FBL: variants seen among roughly 807,000 people sequenced by gnomAD.
The protein encoded by FBL is rRNA 2'-O-methyltransferase fibrillarin.
In FBL, 10 loss-of-function variants were observed where a neutral mutation model predicts 42.2. The observed-to-expected ratio is 0.24, with a 90% CI of 0.15 to 0.40. The LOEUF is 0.40. Ranked by LOEUF, FBL falls within the 10% of genes least tolerant of loss-of-function variation. FBL has a pLI of 1.00. For missense variants in FBL, 351 were observed against 439.2 expected (o/e 0.80, Z 1.79); for synonymous variants, 165 against 165.4 (o/e 1.00, Z 0.02).
In FBL at chr19:39,842,032, G is replaced by C. The variant is rs2145064612; in HGVS notation, c.11-1245C>G. 2.6e-5 allele frequency among the ~76,000 whole-genome samples: 4 copies of C among 151,744 alleles called. No individual in the cohort carries two copies. The Middle Eastern group carries it at 0.014, about 534-fold the overall frequency. On this transcript the variant is annotated intron_variant, in intron 1 of 8. Coordinates refer to ENST00000221801, the MANE Select transcript of FBL (RefSeq NM_001436.4). ...GTTAAAAAAAATAGTTGGAAAACTA[G>C]TGGTTTAAAATTATCTCACATTCTC... is the stretch of plus-strand genomic sequence containing the variant.
In FBL at chr19:39,846,363, T is replaced by C. The variant is rs1969264036; in HGVS notation, c.-63A>G. 6.2e-7 allele frequency: 1 copy of C among 1,601,956 alleles called. No individual in the cohort carries two copies. Among genetic ancestry groups the C allele is most frequent in the Non-Finnish European group, 8.5e-7 (1 of 1,173,494 alleles). ...GTTCACAACTCCACGAGTCCGGGGC[T>C]TTCGCACGTGGAAAAGAGCGCAGGC... On this transcript the variant is annotated 5_prime_UTR_variant, in exon 1 of 9. Coordinates refer to ENST00000221801, the MANE Select transcript of FBL (RefSeq NM_001436.4).
chr19:39,846,328 A>T lies in FBL; in HGVS notation c.-28T>A. On this transcript the variant is annotated 5_prime_UTR_variant, in exon 1 of 9. Transcript: ENST00000221801. Reference sequence around the variant, plus strand: ...CGAGCCCTGGTTTGTGCGGCTCCGGAGTCCGCGGCGTTCACAACTCCACGA... The same window carrying T: ...CGAGCCCTGGTTTGTGCGGCTCCGGTGTCCGCGGCGTTCACAACTCCACGA... 1 of 1,612,766 alleles carries T rather than the reference A, an allele frequency of 6.2e-7. No individual in the cohort carries two copies. The highest frequency in any genetic ancestry group is 8.5e-7 in the Non-Finnish European group (1 of 1,179,446).
chr19:39,834,763 T>C lies in FBL; in HGVS notation c.846A>G (p.Glu282=). Residue 282 remains glutamate (E), a synonymous_variant, in exon 8 of 9, where the codon GAA becomes GAG. Coordinates refer to ENST00000221801, the MANE Select transcript of FBL (RefSeq NM_001436.4). ...TASAEAVFAS[E]VKKMQQENMK... ...TGTTCTCCTGTTGCATCTTTTTCACTTCGGAGGCAAACACGGCCTCGGCTG... is the reference window on the plus strand; with the variant it reads ...TGTTCTCCTGTTGCATCTTTTTCACCTCGGAGGCAAACACGGCCTCGGCTG... 3 of 1,614,186 alleles carry C rather than the reference T, an allele frequency of 1.9e-6. No individual in the cohort carries two copies. The highest frequency in any genetic ancestry group is 2.5e-6 in the Non-Finnish European group (3 of 1,180,034).
chr19:39,839,330 A>C (rs1969112726), intron 4 of FBL, 125 bp from the exon 5 acceptor site: 1 of 723,968 alleles, frequency 1.4e-6, no homozygotes, highest in Non-Finnish European at 2.2e-6. Flanking sequence ...AACATGAGTA[A>C]AGAGCAGTGA....
Position 39,834,746 on chromosome 19 carries a change from T to C in FBL, c.863A>G (p.Gln288Arg), listed in dbSNP as rs1195622554. ...VFASEVKKMQQENMKPQEQLT... is the reference protein window; with the variant it reads ...VFASEVKKMQRENMKPQEQLT... ...CTGCTCCTGCGGCTTCATGTTCTCC[T>C]GTTGCATCTTTTTCACTTCGGAGGC... The change falls in exon 8 of 9, where the codon CAG becomes CGG. Residue 288 changes from glutamine (Q) to arginine (R), a missense_variant. By Grantham distance (43) the Gln-to-Arg change is conservative. Coordinates refer to ENST00000221801, the MANE Select transcript of FBL (RefSeq NM_001436.4). The C allele has an allele frequency of 1.2e-6, 2 of 1,614,090 alleles. No homozygotes were observed. Among genetic ancestry groups the C allele is most frequent in the Non-Finnish European group, 1.7e-6 (2 of 1,180,028 alleles).
intron 7 of FBL, among the ~76,000 whole-genome samples, chr19:39,835,144 G>C (rs1023798031): frequency 1.3e-5 from 2 of 152,192 alleles, no homozygotes; most frequent in African/African-American, 4.8e-5. Context: ...CAGCAAGAAG[G>C]CCCTCGCCAG....
chr19:39,837,386 A>C (rs938127074), intron 6 of FBL, among the ~76,000 whole-genome samples: 10 of 152,318 alleles, frequency 6.6e-5, no homozygotes, highest in Non-Finnish European at 1.2e-4. Context: ...TGCTCTCACC[A>C]GACAATGATT....
rs750642462 is a variant in FBL, at chr19:39,834,592, G to A, written c.942-30C>T. The stretch of plus-strand genomic sequence containing the variant: ...GAGAGGAAGATAGGTGATGAAGGAG[G>A]GTCCCCAGGATCATGGCACTCGGGG... On this transcript the variant is annotated intron_variant, in intron 8 of 8. Coordinates refer to ENST00000221801, the MANE Select transcript of FBL (RefSeq NM_001436.4). The A allele has an allele frequency of 3.7e-6, 6 of 1,613,962 alleles. No individual in the cohort carries two copies. In the Admixed American group the frequency reaches 5.0e-5, roughly 13 times the overall value.
rs767202645 is a variant in FBL, at chr19:39,846,280, C to T, written c.10+11G>A. On this transcript the variant is annotated intron_variant, in intron 1 of 8. Coordinates refer to ENST00000221801, the MANE Select transcript of FBL (RefSeq NM_001436.4). Reference sequence around the variant, plus strand: ...TCCGTCCCTGACCCCGGACCCTCACCCCAGCCTGACCTGGCTTCATGGCGA... The same window carrying T: ...TCCGTCCCTGACCCCGGACCCTCACTCCAGCCTGACCTGGCTTCATGGCGA... 3.7e-6 allele frequency: 6 copies of T among 1,613,952 alleles called. No individual in the cohort carries two copies. The highest frequency in any genetic ancestry group is 5.1e-6 in the Non-Finnish European group (6 of 1,179,902).
At chr19:39,841,549 T>G (rs1969164557) in intron 1 of FBL, among the ~76,000 whole-genome samples, 1 of 152,166 alleles carries the variant, frequency 6.6e-6, no homozygotes, top group Non-Finnish European at 1.5e-5. Flanking sequence ...TCAATATTAA[T>G]TACTGTGAAG....
rs775934428 is a variant in FBL at position 39,840,197 on chromosome 19, C to A, written c.378+36G>T. 6.7e-7 allele frequency: 1 copy of A among 1,485,096 alleles called. No individual in the cohort carries two copies. Among genetic ancestry groups the A allele is most frequent in the South Asian group, 1.1e-5 (1 of 88,342 alleles). The allele number at this position is 1,485,096 out of a possible 1,614,324, so 92.0% of individuals were successfully genotyped here. On this transcript the variant is annotated intron_variant, in intron 4 of 8. Transcript: ENST00000221801. The surrounding 1 kb of genome is among the most constrained non-coding windows in gnomAD (Gnocchi z 4.5). The stretch of plus-strand genomic sequence containing the variant: ...AGACTACTGGCTACACCCTCAGCTG[C>A]GACCCTGGTGGCTTGGACAGGGGCC...
At position 39,845,567 on chromosome 19, in the gene FBL, A is replaced by G. The variant is rs142872541; in HGVS notation, c.10+724T>C. ...GAAGGGAGTGGTTTCAGCAGAATCT[A>G]GTGGAAAATCTTAAGAATAAAACTA... is the stretch of plus-strand genomic sequence containing the variant. On this transcript the variant is annotated intron_variant, in intron 1 of 8. Transcript: ENST00000221801. Among the ~76,000 whole-genome samples the G allele has an allele frequency of 1.5e-3, 232 of 152,250 alleles. 1 individual carries two copies. The highest frequency in any genetic ancestry group is 5.2e-3 in the African/African-American group (214 of 41,534).
At chr19:39,836,741 C>A in intron 6 of FBL, 73 bp from the exon 7 acceptor site, 1 of 1,111,430 alleles carries the variant, frequency 9.0e-7, no homozygotes, top group Admixed American at 2.1e-5. Context: ...GGGGCCTATG[C>A]CCATCACCAG....
chr19:39,836,464 T>G lies in FBL; in HGVS notation c.795+92A>C, dbSNP rs958436955. The G allele has an allele frequency of 3.7e-5, 29 of 787,472 alleles. No homozygotes were observed. In the Admixed American group the frequency reaches 5.3e-4, roughly 14 times the overall value. 48.8% of individuals were successfully genotyped at this position (787,472 alleles called of 1,614,324 possible). ...GCTATAGTTTTGCAGACTTGGCCCC[T>G]CTGTTTTGGGTGGCTATTTGACAGA... On this transcript the variant is annotated intron_variant, in intron 7 of 8. Coordinates refer to ENST00000221801, the MANE Select transcript of FBL (RefSeq NM_001436.4).
At position 39,839,106 on chromosome 19, in the gene FBL, C is replaced by T; in HGVS notation, c.478G>A (p.Gly160Arg). The change falls in exon 5 of 9, where the codon GGG (glycine) becomes AGG (arginine). Residue 160 changes from glycine to arginine, a missense_variant. By Grantham distance (125) the Gly-to-Arg change is moderately radical. Coordinates refer to ENST00000221801, the MANE Select transcript of FBL (RefSeq NM_001436.4). ...GCCCCGAGGTAGAGAACCTTAGCCC[C>T]CGGTTTGATGTGGATCTGGTCCACA... The part of the protein sequence containing the change: ...GGVDQIHIKP[G>R]AKVLYLGAAS... The T allele has an allele frequency of 6.2e-7, 1 of 1,614,140 alleles. No homozygotes were observed. Among genetic ancestry groups the T allele is most frequent in the Non-Finnish European group, 8.5e-7 (1 of 1,180,024 alleles).
chr19:39,839,263 C>G, intron 4 of FBL, 58 bp from the exon 5 acceptor site: 2 of 1,438,994 alleles, frequency 1.4e-6, no homozygotes, highest in Middle Eastern at 2.0e-4. Flanking sequence ...ACCTCACTGC[C>G]TTTAACCCTA....
At chr19:39,835,612 G>A (rs982758369) in intron 7 of FBL, among the ~76,000 whole-genome samples, 45 of 152,294 alleles carry the variant, frequency 3.0e-4, no homozygotes, top group African/African-American at 9.4e-4. Context: ...TCGGGTTTAG[G>A]AAATGTGATA....
chr19:39,838,971 A>G, intron 5 of FBL, 64 bp downstream of exon 5: 2 of 1,459,776 alleles, frequency 1.4e-6, no homozygotes, highest in Non-Finnish European at 1.9e-6. Flanking sequence ...AAACCCTGAT[A>G]TTCCAGGTTG....
rs761578319 is a variant in FBL, at chr19:39,839,065, C to A, written c.519G>T (p.Thr173=). 6.2e-7 allele frequency: 1 copy of A among 1,613,664 alleles called. No individual in the cohort carries two copies. Among genetic ancestry groups the A allele is most frequent in the Non-Finnish European group, 8.5e-7 (1 of 1,179,758 alleles). ...CAACGATGTCAGAGACATGGGAGAC[C>A]GTGGTGCCCGAGGCAGCCCCGAGGT... is the stretch of plus-strand genomic sequence containing the variant. ...VLYLGAASGT[T]VSHVSDIVGP... is the part of the protein sequence containing the mutation. Residue 173 remains threonine (T), a synonymous_variant, in exon 5 of 9, where the codon ACG becomes ACT. Transcript: ENST00000221801.
Sources: gnomAD v4.1 joint callset for allele counts (sites outside exome capture counted in the v4.1 genomes callset) on GRCh38, gnomAD v4.1.1 for gene constraint, Gnocchi (gnomAD v3.1) non-coding constraint, MANE v1.5 for transcripts, NCBI Gene and HGNC (gene_info 2026-07-23, HGNC 2026-07-21) for gene names.